The following FGF14 variants were observed in gnomAD, a reference collection of about 807,000 sequenced individuals.
FGF14 encodes fibroblast growth factor homologous factor 4.
FGF14 carries 5 observed loss-of-function variants against 25.5 expected under a neutral mutation model. The observed-to-expected ratio is 0.20, with a 90% confidence interval of 0.10 to 0.41. FGF14 has a LOEUF of 0.41. Among genes scored for constraint, FGF14 ranks in the 10% least tolerant of loss-of-function variants. FGF14 has a pLI of 1.00. For synonymous variants in FGF14, 138 were observed against 118.3 expected, an observed-to-expected ratio of 1.17 and a Z score of -1.08; for missense variants, 222 against 320.1, an observed-to-expected ratio of 0.69 and a Z score of 2.34.
intron 1 of FGF14, among the ~76,000 whole-genome samples, chr13:101,952,357 T>A (rs369754883): frequency 6.6e-6 from 1 of 152,180 alleles, no homozygotes; most frequent in African/African-American, 2.4e-5. Context: ...CTTCTCTAGA[T>A]CCTGTTTTTC....
At chr13:102,040,276 T>G (rs889500717) in intron 1 of FGF14, among the ~76,000 whole-genome samples, 9 of 152,326 alleles carry the variant, frequency 5.9e-5, no homozygotes, top group South Asian at 4.1e-4. Context: ...TATTTCTTCC[T>G]TATTAGCTCA....
intron 1 of FGF14, among the ~76,000 whole-genome samples, chr13:102,321,117 C>A (rs1003982321): frequency 4.6e-5 from 7 of 152,146 alleles, no homozygotes; most frequent in Non-Finnish European, 1.0e-4. Context: ...GGAGGCCAGA[C>A]CACAGTGTCT....
intron 3 of FGF14, among the ~76,000 whole-genome samples, chr13:101,852,169 A>G (rs1159505991): frequency 1.3e-5 from 2 of 152,110 alleles, no homozygotes; most frequent in African/African-American, 4.8e-5. Context: ...GCTGGTTGCC[A>G]TATCTATCAA....
chr13:102,310,073 T>G (rs1566926788), intron 1 of FGF14, among the ~76,000 whole-genome samples: 1 of 152,234 alleles, frequency 6.6e-6, no homozygotes, highest in Non-Finnish European at 1.5e-5. Flanking sequence ...TTTCTTACCC[T>G]ATAAAATGAA....
chr13:101,852,944 G>A (rs1456112383), intron 3 of FGF14, among the ~76,000 whole-genome samples: 1 of 152,062 alleles, frequency 6.6e-6, no homozygotes, highest in Non-Finnish European at 1.5e-5. Context: ...ATCAATGTCT[G>A]CTGAATTAAT....
intron 1 of FGF14, among the ~76,000 whole-genome samples, chr13:102,386,532 A>G (rs984529221): frequency 6.6e-6 from 1 of 152,252 alleles, no homozygotes; most frequent in African/African-American, 2.4e-5. Context: ...TAACACTAAA[A>G]GGAAAAAGCA....
intron 3 of FGF14, among the ~76,000 whole-genome samples, chr13:101,777,257 C>T (rs752268705): frequency 1.3e-5 from 2 of 152,108 alleles, no homozygotes; most frequent in Non-Finnish European, 2.9e-5. Context: ...TGTTTTGTAG[C>T]CCCTATTCTA....
intron 1 of FGF14, among the ~76,000 whole-genome samples, chr13:102,051,021 C>T (rs775593650): frequency 2.0e-5 from 3 of 152,200 alleles, no homozygotes; most frequent in Non-Finnish European, 4.4e-5. Flanking sequence ...TTAGCTACCA[C>T]GTCTCCCAAA....
intron 1 of FGF14, among the ~76,000 whole-genome samples, chr13:102,052,966 CAAT>C (rs1055967035): frequency 6.6e-6 from 1 of 151,932 alleles, no homozygotes; most frequent in Non-Finnish European, 1.5e-5. Flanking sequence ...CCAAGAGCTA[CAAT>C]AATATGTTAA....
At chr13:101,969,414 A>G (rs147612953) in intron 1 of FGF14, among the ~76,000 whole-genome samples, 1 of 152,276 alleles carries the variant, frequency 6.6e-6, no homozygotes, top group African/African-American at 2.4e-5. Context: ...ATAACAAAAA[A>G]AAAGAAATGG....
At chr13:101,986,084 C>T (rs1264385722) in intron 1 of FGF14, among the ~76,000 whole-genome samples, 2 of 152,068 alleles carry the variant, frequency 1.3e-5, no homozygotes, top group African/African-American at 2.4e-5. Context: ...CAATTTGATA[C>T]TTAAGGATGC....
At chr13:102,087,199 C>T (rs548384888) in intron 1 of FGF14, among the ~76,000 whole-genome samples, 6 of 152,108 alleles carry the variant, frequency 3.9e-5, no homozygotes, top group East Asian at 1.9e-4. Context: ...TTGTGTAATT[C>T]GCAAAATTAT....
rs1481412584 is a variant in FGF14 at position 101,718,047 on chromosome 13, T to A, written c.*4784A>T. 1 of 152,160 alleles carries A rather than the reference T, an allele frequency of 6.6e-6. No individual in the cohort carries two copies. The highest frequency in any genetic ancestry group is 1.5e-5 in the Non-Finnish European group (1 of 68,016). 9.4% of individuals were successfully genotyped at this position (152,160 alleles called of 1,614,324 possible). On this transcript the variant is annotated 3_prime_UTR_variant, in exon 5 of 5. Transcript: ENST00000376143. ...CATAAAAAGTTCAAAATGTGATTCA[T>A]CTAAAATTTTGGACAAAGATGAAAA...
chr13:101,935,996 T>A (rs1238821276), intron 1 of FGF14, among the ~76,000 whole-genome samples: 2 of 152,206 alleles, frequency 1.3e-5, no homozygotes, highest in African/African-American at 4.8e-5. Flanking sequence ...AGGGGAAATT[T>A]TTAAGGTAGT....
chr13:101,785,388 G>A (rs1419513709), intron 3 of FGF14, among the ~76,000 whole-genome samples: 5 of 146,398 alleles, frequency 3.4e-5, no homozygotes, highest in Non-Finnish European at 7.5e-5. Context: ...CAAAGCAAAA[G>A]CTATTAGAAA....
At chr13:102,370,026 T>C (rs2057831245) in intron 1 of FGF14, among the ~76,000 whole-genome samples, 2 of 152,140 alleles carry the variant, frequency 1.3e-5, no homozygotes, top group African/African-American at 4.8e-5. Flanking sequence ...AGGTCTTGCT[T>C]TGTTGCCTAA....
At chr13:101,727,514 C>T (rs1204701560) in intron 3 of FGF14, among the ~76,000 whole-genome samples, 1 of 152,092 alleles carries the variant, frequency 6.6e-6, no homozygotes, top group Non-Finnish European at 1.5e-5. Flanking sequence ...TTTTGGAAAG[C>T]ATACAGTTTG....
chr13:101,840,893 G>T (rs189258147), intron 3 of FGF14, among the ~76,000 whole-genome samples: 100 of 152,042 alleles, frequency 6.6e-4, no homozygotes, highest in Non-Finnish European at 2.9e-4. Context: ...TACATAAACT[G>T]GTACAAAGAT....
intron 1 of FGF14, among the ~76,000 whole-genome samples, chr13:102,034,303 C>T (rs192104278): frequency 7.2e-5 from 11 of 152,126 alleles, no homozygotes; most frequent in Non-Finnish European, 1.5e-4. Context: ...AATGTTTTCT[C>T]ATTCTGTGGA....
Sources: allele counts gnomAD v4.1 joint callset (sites outside exome capture counted in the v4.1 genomes callset), GRCh38; gene constraint gnomAD v4.1.1; transcripts MANE v1.5; gene names NCBI Gene and HGNC (gene_info 2026-07-23, HGNC 2026-07-21).